PAPSS1: variants seen among roughly 807,000 people sequenced by gnomAD.
The protein encoded by PAPSS1 is 3'-phosphoadenosine 5'-phosphosulfate synthase 1.
In PAPSS1, 50 loss-of-function variants were observed where a neutral mutation model predicts 72.0. The observed-to-expected ratio is 0.69, with a 90% CI of 0.55 to 0.88. The LOEUF is 0.88. PAPSS1 is among the 40% of genes least tolerant of loss of function. PAPSS1 has a pLI of 0.00. For missense variants in PAPSS1, 657 were observed against 782.2 expected, an observed-to-expected ratio of 0.84 and a Z score of 1.91; for synonymous variants, 261 against 263.6, an observed-to-expected ratio of 0.99 and a Z score of 0.09.
At chr4:107,621,756 G>A (rs1003395196) in intron 11 of PAPSS1, among the ~76,000 whole-genome samples, 30 of 151,506 alleles carry the variant, frequency 2.0e-4, no homozygotes, top group African/African-American at 6.8e-4. Context: ...GAGTAGCTGG[G>A]ACTACAGGTG....
intron 1 of PAPSS1, among the ~76,000 whole-genome samples, chr4:107,713,911 T>C (rs551350112): frequency 7.4e-4 from 112 of 152,314 alleles, no homozygotes; most frequent in Non-Finnish European, 1.3e-3. Context: ...ACATAATGTC[T>C]GGTATTTCCA....
intron 10 of PAPSS1, among the ~76,000 whole-genome samples, chr4:107,633,033 G>T (rs1177672796): frequency 6.6e-6 from 1 of 152,182 alleles, no homozygotes; most frequent in Non-Finnish European, 1.5e-5. Context: ...ACCCTGAGGG[G>T]TTTCAACTTT....
chr4:107,674,339 T>C (rs1421362536), intron 5 of PAPSS1, among the ~76,000 whole-genome samples: 4 of 151,996 alleles, frequency 2.6e-5, no homozygotes, highest in African/African-American at 9.7e-5. Context: ...TGGAGGAAGA[T>C]CTACCAAGCA....
In PAPSS1 at chr4:107,720,233, AG is replaced by A; in HGVS notation, c.-55del. On this transcript the variant is annotated 5_prime_UTR_variant, in exon 1 of 12. Transcript: ENST00000265174. ...TTCTCTGCGCCGGGAGGGTAGCAAG[AG>A]GAGGGCAGGCCAGCGAGCGGGGCGG... 1 of 1,555,118 alleles carries A rather than the reference AG, an allele frequency of 6.4e-7. No individual in the cohort carries two copies. The highest frequency in any genetic ancestry group is 8.7e-7 in the Non-Finnish European group (1 of 1,145,790).
intron 7 of PAPSS1, 63 bp from the exon 8 acceptor site, chr4:107,654,963 C>A (rs1463099764): frequency 5.7e-6 from 7 of 1,222,616 alleles, no homozygotes; most frequent in Non-Finnish European, 8.3e-6. Flanking sequence ...TTACTTAACA[C>A]CCACCTTTCA....
rs762042155 is a variant in PAPSS1, at chr4:107,693,862, T to C, written c.320A>G (p.Glu107Gly). 6.2e-7 allele frequency: 1 copy of C among 1,613,970 alleles called. No homozygotes were observed. Among genetic ancestry groups the C allele is most frequent in the South Asian group, 1.1e-5 (1 of 91,084 alleles). Residue 107 changes from glutamate to glycine, a missense_variant, in exon 3 of 12, where the codon GAA (glutamate) becomes GGA (glycine). Coordinates refer to ENST00000265174, the MANE Select transcript of PAPSS1 (RefSeq NM_005443.5). ...KNLGFSPEDR[E>G]ENVRRIAEVA... ...TTCTGCGATGCGTCGAACATTCTCT[T>C]CTCTGTCTTCAGGACTAAAGCCAAG...
intron 2 of PAPSS1, among the ~76,000 whole-genome samples, chr4:107,696,897 T>C (rs1723079833): frequency 6.6e-6 from 1 of 152,192 alleles, no homozygotes; most frequent in African/African-American, 2.4e-5. Flanking sequence ...ACAATGTGAC[T>C]TTACTACTGT....
At chr4:107,694,300 T>C (rs756833842) in intron 2 of PAPSS1, 25 of 332,980 alleles carry the variant, frequency 7.5e-5, no homozygotes, top group Non-Finnish European at 1.2e-4. Flanking sequence ...TCAAGAGATA[T>C]AAAAAATTGC....
At chr4:107,618,980 C>T (rs1725891601) in intron 11 of PAPSS1, among the ~76,000 whole-genome samples, 3 of 152,152 alleles carry the variant, frequency 2.0e-5, no homozygotes. Flanking sequence ...AGGAGGTCCA[C>T]TTATTGGCTC....
At chr4:107,706,633 T>C (rs1284251060) in intron 1 of PAPSS1, among the ~76,000 whole-genome samples, 1 of 152,220 alleles carries the variant, frequency 6.6e-6, no homozygotes, top group African/African-American at 2.4e-5. Flanking sequence ...AATCAGCTAC[T>C]GGAAGGTTAT....
intron 3 of PAPSS1, among the ~76,000 whole-genome samples, chr4:107,693,352 G>C (rs1437366940): frequency 6.6e-6 from 1 of 152,174 alleles, no homozygotes; most frequent in African/African-American, 2.4e-5. Context: ...TCTAAAATAA[G>C]AGGAACTATG....
At chr4:107,646,010 T>C (rs989414269) in intron 9 of PAPSS1, among the ~76,000 whole-genome samples, 5 of 152,110 alleles carry the variant, frequency 3.3e-5, no homozygotes, top group Admixed American at 3.3e-4. Flanking sequence ...TCATGTAAAA[T>C]CCAAGATTTA....
Position 107,614,206 on chromosome 4 carries a change from G to C in PAPSS1, c.*43C>G, listed in dbSNP as rs2110292264. Reference sequence around the variant, plus strand: ...AACAGAGACTATGTGGTCCCCTCTTGTTACTAGTAATGTGTCAAAGGTGGA... The same window carrying C: ...AACAGAGACTATGTGGTCCCCTCTTCTTACTAGTAATGTGTCAAAGGTGGA... On this transcript the variant is annotated 3_prime_UTR_variant, in exon 12 of 12. Coordinates refer to ENST00000265174, the MANE Select transcript of PAPSS1 (RefSeq NM_005443.5). 6.3e-7 allele frequency: 1 copy of C among 1,584,364 alleles called. No individual in the cohort carries two copies. Among genetic ancestry groups the C allele is most frequent in the South Asian group, 1.1e-5 (1 of 88,402 alleles).
At chr4:107,669,320 G>A (rs527292126) in intron 5 of PAPSS1, among the ~76,000 whole-genome samples, 1 of 152,258 alleles carries the variant, frequency 6.6e-6, no homozygotes, top group African/African-American at 2.4e-5. Context: ...ATTCAACTTA[G>A]TGAGAAAAAC....
intron 10 of PAPSS1, among the ~76,000 whole-genome samples, chr4:107,638,323 T>C (rs1182055857): frequency 1.3e-5 from 2 of 152,186 alleles, no homozygotes; most frequent in East Asian, 1.9e-4. Context: ...GTCTACATCA[T>C]GGAGTCTGAA....
intron 5 of PAPSS1, among the ~76,000 whole-genome samples, chr4:107,664,173 G>T (rs1441172645): frequency 6.6e-6 from 1 of 152,104 alleles, no homozygotes; most frequent in Non-Finnish European, 1.5e-5. Flanking sequence ...GAGAAGAGAA[G>T]AATCTCATTC....
intron 11 of PAPSS1, 63 bp from the exon 12 acceptor site, chr4:107,614,450 A>T (rs527961805): frequency 3.5e-5 from 46 of 1,328,194 alleles, no homozygotes; most frequent in African/African-American, 4.4e-5. Context: ...TTTAAAAAGC[A>T]TTTGTTCCTT....
At chr4:107,643,800 A>G (rs1191681422) in intron 10 of PAPSS1, among the ~76,000 whole-genome samples, 2 of 152,208 alleles carry the variant, frequency 1.3e-5, no homozygotes, top group African/African-American at 4.8e-5. Flanking sequence ...TCTATGAAAG[A>G]TGCACTTTTT....
At chr4:107,679,679 G>C (rs976809352) in intron 5 of PAPSS1, among the ~76,000 whole-genome samples, 2 of 145,396 alleles carry the variant, frequency 1.4e-5, no homozygotes, top group South Asian at 4.3e-4. Flanking sequence ...CATGAGGCAG[G>C]ACTTTTTTTT....
Sources: gnomAD v4.1 joint callset for allele counts (sites outside exome capture counted in the v4.1 genomes callset) on GRCh38, gnomAD v4.1.1 for gene constraint, MANE v1.5 for transcripts, NCBI Gene and HGNC (gene_info 2026-07-23, HGNC 2026-07-21) for gene names.